Variants in ADGRL3 observed in about 807,000 individuals in gnomAD.
ADGRL3 encodes the protein calcium-independent alpha-latrotoxin receptor 3.
Under a neutral mutation model 153.5 loss-of-function variants are expected in ADGRL3, and 62 were observed. That is an observed-to-expected ratio of 0.40 (90% confidence interval 0.33 to 0.50). The LOEUF is 0.50. ADGRL3 is among the 20% of genes least tolerant of loss of function. The probability of loss-of-function intolerance (pLI) is 0.47; values close to 1 mark genes in which losing one functional copy is unlikely to be tolerated. For synonymous variants in ADGRL3, 710 were observed against 672.5 expected (o/e 1.06, Z -0.86); for missense variants, 1,641 against 1,859.4 (o/e 0.88, Z 2.16).
intron 18 of ADGRL3, among the ~76,000 whole-genome samples, chr4:61,980,040 A>G (rs2099062100): frequency 6.6e-6 from 1 of 152,192 alleles, no homozygotes; most frequent in Non-Finnish European, 1.5e-5. Flanking sequence ...ATTAAGCAGG[A>G]GCTACAGACA....
At chr4:61,412,652 A>G (rs1456242675) in intron 2 of ADGRL3, among the ~76,000 whole-genome samples, 2 of 152,084 alleles carry the variant, frequency 1.3e-5, no homozygotes, top group African/African-American at 2.4e-5. Flanking sequence ...GGACAGTGCT[A>G]TTGCTGTATC....
intron 9 of ADGRL3, among the ~76,000 whole-genome samples, chr4:61,864,659 A>T (rs1265931981): frequency 6.6e-6 from 1 of 152,202 alleles, no homozygotes; most frequent in Non-Finnish European, 1.5e-5. Flanking sequence ...GAATAACTTT[A>T]TACTGCTGAG....
chr4:61,610,837 CA>C (rs1475879169), intron 5 of ADGRL3, among the ~76,000 whole-genome samples: 2 of 150,710 alleles, frequency 1.3e-5, no homozygotes, highest in African/African-American at 4.9e-5. Flanking sequence ...TTATAGAGGT[CA>C]AAAAATAAAT....
chr4:61,730,325 T>C (rs943070852), intron 6 of ADGRL3, among the ~76,000 whole-genome samples: 4 of 151,928 alleles, frequency 2.6e-5, no homozygotes. Flanking sequence ...TTATTATGAA[T>C]ATTGCATTTC....
At chr4:61,578,404 A>G (rs1426707477) in intron 4 of ADGRL3, among the ~76,000 whole-genome samples, 1 of 152,022 alleles carries the variant, frequency 6.6e-6, no homozygotes, top group East Asian at 1.9e-4. Flanking sequence ...TATTGCCCTA[A>G]ATAGCTCATT....
At chr4:61,544,319 T>C (rs2098703829) in intron 4 of ADGRL3, among the ~76,000 whole-genome samples, 1 of 152,228 alleles carries the variant, frequency 6.6e-6, no homozygotes, top group Admixed American at 6.5e-5. Flanking sequence ...ATTTCTCTGA[T>C]TACTAAAGAG....
intron 1 of ADGRL3, among the ~76,000 whole-genome samples, chr4:61,339,311 G>A (rs1240469861): frequency 4.6e-5 from 7 of 152,206 alleles, no homozygotes; most frequent in Middle Eastern, 3.4e-3. Context: ...GGTGTAAAAC[G>A]AGCACATACA....
chr4:61,831,268 G>A (rs1004483631), intron 9 of ADGRL3, among the ~76,000 whole-genome samples: 4 of 151,906 alleles, frequency 2.6e-5, no homozygotes, highest in African/African-American at 4.8e-5. Context: ...TGTCATGACC[G>A]ATGGCACTCA....
chr4:61,464,200 G>A (rs1048622233), intron 2 of ADGRL3, among the ~76,000 whole-genome samples: 34 of 152,152 alleles, frequency 2.2e-4, no homozygotes, highest in African/African-American at 8.0e-4. Context: ...GAAAAGTAGC[G>A]TTATCCTCAT....
chr4:61,370,724 G>T (rs1376272458), intron 1 of ADGRL3, among the ~76,000 whole-genome samples: 1 of 151,520 alleles, frequency 6.6e-6, no homozygotes, highest in Non-Finnish European at 1.5e-5. Flanking sequence ...GGGGTGGAGA[G>T]TTCTGTAGAT....
At chr4:61,667,633 A>G (rs1473706078) in intron 5 of ADGRL3, among the ~76,000 whole-genome samples, 4 of 152,164 alleles carry the variant, frequency 2.6e-5, no homozygotes, top group Non-Finnish European at 5.9e-5. Flanking sequence ...ATACATTCCA[A>G]TTTCCATAAA....
chr4:61,485,611 C>T (rs1041196800), intron 2 of ADGRL3, among the ~76,000 whole-genome samples: 1 of 152,088 alleles, frequency 6.6e-6, no homozygotes, highest in African/African-American at 2.4e-5. Flanking sequence ...TATACCTTCC[C>T]CTGCATTCCT....
At chr4:61,835,833 G>A (rs1003270107) in intron 9 of ADGRL3, among the ~76,000 whole-genome samples, 1 of 152,112 alleles carries the variant, frequency 6.6e-6, no homozygotes, top group African/African-American at 2.4e-5. Flanking sequence ...AAAGATAAAG[G>A]CTTAACTACT....
intron 9 of ADGRL3, among the ~76,000 whole-genome samples, chr4:61,837,538 C>T (rs1404967512): frequency 6.6e-6 from 1 of 152,054 alleles, no homozygotes; most frequent in Non-Finnish European, 1.5e-5. Context: ...GTCTATTTGT[C>T]TTCCTTAGGG....
intron 2 of ADGRL3, among the ~76,000 whole-genome samples, chr4:61,415,478 A>C (rs2152296343): frequency 6.6e-6 from 1 of 152,144 alleles, no homozygotes; most frequent in East Asian, 1.9e-4. Context: ...CTAAACTAGA[A>C]ATTTATTACA....
At chr4:61,784,652 A>G (rs1410663940) in intron 8 of ADGRL3, among the ~76,000 whole-genome samples, 2 of 152,106 alleles carry the variant, frequency 1.3e-5, no homozygotes, top group African/African-American at 4.8e-5. Flanking sequence ...TTTTCATGCT[A>G]TTCCCATTTG....
intron 2 of ADGRL3, among the ~76,000 whole-genome samples, chr4:61,383,742 A>G (rs1378330108): frequency 1.3e-5 from 2 of 151,784 alleles, no homozygotes; most frequent in African/African-American, 4.8e-5. Flanking sequence ...AAATTATGTT[A>G]TTTATCAGAA....
chr4:61,568,066 T>C (rs2098823571), intron 4 of ADGRL3, among the ~76,000 whole-genome samples: 1 of 152,168 alleles, frequency 6.6e-6, no homozygotes. Context: ...TGTAGTGCCT[T>C]ATATTTTTTT....
chr4:61,886,031 A>G (rs1013264984), intron 9 of ADGRL3, among the ~76,000 whole-genome samples: 13 of 152,182 alleles, frequency 8.5e-5, no homozygotes, highest in African/African-American at 3.1e-4. Flanking sequence ...CTTCCTCAAT[A>G]TCCTTGCCAT....
Sources: gnomAD v4.1 joint callset for allele counts (sites outside exome capture counted in the v4.1 genomes callset) on GRCh38, gnomAD v4.1.1 for gene constraint, MANE v1.5 for transcripts, NCBI Gene and HGNC (gene_info 2026-07-23, HGNC 2026-07-21) for gene names.